ADGRL3: variants seen among roughly 807,000 people sequenced by gnomAD.
The protein encoded by ADGRL3 is adhesion G protein-coupled receptor L3, also known as calcium-independent alpha-latrotoxin receptor 3.
A neutral mutation model predicts 153.5 loss-of-function variants in ADGRL3; 62 were observed. That is an observed-to-expected ratio of 0.40 (90% confidence interval 0.33 to 0.50). The LOEUF (loss-of-function observed/expected upper bound fraction) is 0.50. Ranked by LOEUF, ADGRL3 falls within the 20% of genes least tolerant of loss-of-function variation. The pLI is 0.47. For synonymous variants in ADGRL3, 710 were observed against 672.5 expected (o/e 1.06, Z -0.86); for missense variants, 1,641 against 1,859.4 (o/e 0.88, Z 2.16).
At position 61,277,016 on chromosome 4, in the gene ADGRL3, C is replaced by A. The variant is rs540095726; in HGVS notation, c.-240+75251C>A. On this transcript the variant is annotated intron_variant, in intron 1 of 26. Transcript: ENST00000683033. Reference sequence around the variant, plus strand: ...ACTGTAACTATTAGAATGAAACTACCCCCTATTTCATTTGTTTATTTAAAA... The same window carrying A: ...ACTGTAACTATTAGAATGAAACTACACCCTATTTCATTTGTTTATTTAAAA... Among the ~76,000 whole-genome samples, 4 of 151,990 alleles carry A rather than the reference C, an allele frequency of 2.6e-5. No individual in the cohort carries two copies. The South Asian group carries it at 8.3e-4, about 32-fold the overall frequency.
chr4:61,650,398 C>T (rs187861047), intron 5 of ADGRL3, among the ~76,000 whole-genome samples: 3 of 152,168 alleles, frequency 2.0e-5, no homozygotes, highest in African/African-American at 7.2e-5. Context: ...TTACAATGCT[C>T]CCAAAGATTT....
At chr4:61,376,206 TCTA>T (rs1265405179) in intron 1 of ADGRL3, among the ~76,000 whole-genome samples, 1 of 152,158 alleles carries the variant, frequency 6.6e-6, no homozygotes, top group African/African-American at 2.4e-5. Flanking sequence ...TTCAGCATGT[TCTA>T]CTAGAAAATT....
intron 1 of ADGRL3, among the ~76,000 whole-genome samples, chr4:61,373,183 C>T (rs867270317): frequency 6.6e-5 from 10 of 152,142 alleles, no homozygotes; most frequent in Non-Finnish European, 1.0e-4. Flanking sequence ...AGAAATCACC[C>T]GTCTTCGTCG....
intron 15 of ADGRL3, among the ~76,000 whole-genome samples, chr4:61,936,781 T>TACACACACACACACACAC (rs71666904): frequency 0.071 from 9,843 of 138,622 alleles, 477 homozygotes; most frequent in Non-Finnish European, 0.1. Context: ...TACATATGCA[T>TACACACACACACACACAC]ACACACACAC....
rs796701397 is a variant in ADGRL3, at chr4:62,073,388, TG to T, written c.*2482del. On this transcript the variant is annotated 3_prime_UTR_variant, in exon 27 of 27. Coordinates refer to ENST00000683033, the MANE Select transcript of ADGRL3 (RefSeq NM_001387552.1). Reference sequence around the variant, plus strand: ...AATTAGGTTTTCTCACACCACACTATGGCAATATTAGCACGTCCAAGGCTTT... The same window carrying T: ...AATTAGGTTTTCTCACACCACACTATGCAATATTAGCACGTCCAAGGCTTT... 18 of 152,220 alleles carry T rather than the reference TG, an allele frequency of 1.2e-4. No individual in the cohort carries two copies. Among genetic ancestry groups the T allele is most frequent in the African/African-American group, 4.3e-4 (18 of 41,558 alleles). 9.4% of individuals were successfully genotyped at this position (152,220 alleles called of 1,614,324 possible). A position where few individuals can be genotyped will look rare whatever the true frequency, so the allele number is the denominator to read the frequency against.
chr4:61,747,195 C>T (rs1201564949), intron 8 of ADGRL3, among the ~76,000 whole-genome samples: 1 of 151,480 alleles, frequency 6.6e-6, no homozygotes, highest in African/African-American at 2.4e-5. Flanking sequence ...ATAACAGGCT[C>T]TGAAATTGTG....
At chr4:61,497,096 A>AC (rs2098328446) in intron 2 of ADGRL3, 25 bp from the exon 3 acceptor site, 2 of 550,678 alleles carry the variant, frequency 3.6e-6, no homozygotes, top group Non-Finnish European at 6.3e-6. Flanking sequence ...TTATACAATA[A>AC]CCCTTTTTTT....
At chr4:62,060,855 A>G (rs571154687) in intron 25 of ADGRL3, among the ~76,000 whole-genome samples, 2 of 152,032 alleles carry the variant, frequency 1.3e-5, no homozygotes, top group South Asian at 4.1e-4. Flanking sequence ...CCATTGCACT[A>G]TGTAAGAACA....
chr4:61,886,624 ATTTG>A (rs34618045), intron 9 of ADGRL3, among the ~76,000 whole-genome samples: 64,465 of 148,846 alleles, frequency 0.43, 14,416 homozygotes, highest in Middle Eastern at 0.53. Flanking sequence ...TTTAGACTAC[ATTTG>A]TTTGTTTGTT....
rs1224672879 is a variant in ADGRL3 at position 62,071,293 on chromosome 4, C to T, written c.*385C>T. ...CTTTTTAAAAGGCCAGAACAATTGTCTGAAATTAGTAACAATGCTGCATCT... is the reference window on the plus strand; with the variant it reads ...CTTTTTAAAAGGCCAGAACAATTGTTTGAAATTAGTAACAATGCTGCATCT... On this transcript the variant is annotated 3_prime_UTR_variant, in exon 27 of 27. Coordinates refer to ENST00000683033, the MANE Select transcript of ADGRL3 (RefSeq NM_001387552.1). 1 of 177,358 alleles carries T rather than the reference C, an allele frequency of 5.6e-6. No homozygotes were observed. The highest frequency in any genetic ancestry group is 1.5e-4 in the East Asian group (1 of 6,774). The allele number at this position is 177,358 out of a possible 1,614,324, so 11.0% of individuals were successfully genotyped here.
chr4:61,710,534 A>G lies in ADGRL3; in HGVS notation c.584-20088A>G, dbSNP rs1471727645. Among the ~76,000 whole-genome samples, 6 of 152,230 alleles carry G rather than the reference A, an allele frequency of 3.9e-5. No individual in the cohort carries two copies. The East Asian group carries it at 9.6e-4, about 24-fold the overall frequency. ...AGTGGCAAACCAACAGAACTGTAGCAGTTTATTGAGTATTTGAATTTTCAA... is the reference window on the plus strand; with the variant it reads ...AGTGGCAAACCAACAGAACTGTAGCGGTTTATTGAGTATTTGAATTTTCAA... On this transcript the variant is annotated intron_variant, in intron 6 of 26. Coordinates refer to ENST00000683033, the MANE Select transcript of ADGRL3 (RefSeq NM_001387552.1).
At chr4:61,294,420 T>A (rs1399527940) in intron 1 of ADGRL3, among the ~76,000 whole-genome samples, 5 of 152,150 alleles carry the variant, frequency 3.3e-5, no homozygotes, top group African/African-American at 1.2e-4. Context: ...TAGGCTAAGC[T>A]ATGGTGTTCT....
chr4:61,955,567 T>C (rs1233434433), intron 17 of ADGRL3, among the ~76,000 whole-genome samples: 2 of 152,068 alleles, frequency 1.3e-5, no homozygotes, highest in Non-Finnish European at 2.9e-5. Context: ...CTCTCAATTA[T>C]TATTATTATT....
At chr4:61,483,910 G>C (rs991633969) in intron 2 of ADGRL3, among the ~76,000 whole-genome samples, 1 of 150,772 alleles carries the variant, frequency 6.6e-6, no homozygotes, top group African/African-American at 2.4e-5. Flanking sequence ...AGTATAGTGT[G>C]TTCTGTTATA....
intron 5 of ADGRL3, among the ~76,000 whole-genome samples, chr4:61,657,916 A>G (rs1374429698): frequency 2.6e-5 from 4 of 152,166 alleles, no homozygotes; most frequent in South Asian, 2.1e-4. Context: ...ATCTGCCCCC[A>G]TGGCACATTC....
chr4:61,514,722 C>T (rs920379013), intron 3 of ADGRL3, among the ~76,000 whole-genome samples: 1 of 152,048 alleles, frequency 6.6e-6, no homozygotes, highest in South Asian at 2.1e-4. Flanking sequence ...CAGTCAAAGT[C>T]GACTTAAGCT....
At chr4:61,984,914 T>C (rs1425762039) in intron 19 of ADGRL3, among the ~76,000 whole-genome samples, 2 of 152,154 alleles carry the variant, frequency 1.3e-5, no homozygotes, top group African/African-American at 4.8e-5. Flanking sequence ...ACTTACGTGA[T>C]AATCATGAAG....
At chr4:61,728,910 T>C (rs2096393259) in intron 6 of ADGRL3, among the ~76,000 whole-genome samples, 1 of 151,988 alleles carries the variant, frequency 6.6e-6, no homozygotes, top group Non-Finnish European at 1.5e-5. Flanking sequence ...AGATAAGGCT[T>C]GAGATGCCTG....
intron 1 of ADGRL3, among the ~76,000 whole-genome samples, chr4:61,344,951 T>G (rs961805512): frequency 6.7e-5 from 10 of 150,326 alleles, no homozygotes; most frequent in African/African-American, 2.5e-4. Context: ...CATGCCTGGC[T>G]AATTTTTTTT....
Sources: allele counts gnomAD v4.1 joint callset (sites outside exome capture counted in the v4.1 genomes callset), GRCh38; gene constraint gnomAD v4.1.1; transcripts MANE v1.5; gene names NCBI Gene and HGNC (gene_info 2026-07-23, HGNC 2026-07-21).